LIPC: variants seen among roughly 807,000 people sequenced by gnomAD.
LIPC encodes the protein hepatic triacylglycerol lipase.
LIPC carries 44 observed loss-of-function variants against 50.7 expected under a neutral mutation model. The observed-to-expected ratio is 0.87, with a 90% CI of 0.68 to 1.11. The LOEUF is 1.11. Among genes scored for constraint, LIPC ranks in the 50% most tolerant of loss-of-function variants. The probability of loss-of-function intolerance (pLI) is 0.00; values close to 1 mark genes in which losing one functional copy is unlikely to be tolerated. For missense variants in LIPC, 697 were observed against 648.2 expected (o/e 1.08, Z -0.82); for synonymous variants, 271 against 256.4 (o/e 1.06, Z -0.54).
intron 1 of LIPC, among the ~76,000 whole-genome samples, chr15:58,516,929 T>G (rs2140868390): frequency 6.6e-6 from 1 of 152,324 alleles, no homozygotes; most frequent in East Asian, 1.9e-4. Flanking sequence ...TGGTGCTGGG[T>G]ATTCCTACAT....
Position 58,545,803 on chromosome 15 carries a change from T to G in LIPC, c.636T>G (p.Asp212Glu). ...GSAPSNRLSP[D>E]DANFVDAIHT... ...CCCCCAGCAATCGTCTTTCTCCAGATGATGCCAATTTTGTGGATGCCATTC... is the reference window on the plus strand; with the variant it reads ...CCCCCAGCAATCGTCTTTCTCCAGAGGATGCCAATTTTGTGGATGCCATTC... The change falls in exon 5 of 9, where the codon GAT (aspartate) becomes GAG (glutamate). Residue 212 changes from aspartate to glutamate, a missense_variant. By Grantham distance (45) the Asp-to-Glu change is conservative (BLOSUM62 2). Transcript: ENST00000299022. 1 of 1,614,218 alleles carries G rather than the reference T, an allele frequency of 6.2e-7. No individual in the cohort carries two copies. Among genetic ancestry groups the G allele is most frequent in the Non-Finnish European group, 8.5e-7 (1 of 1,180,046 alleles).
chr15:58,449,617 C>T (rs1204592734), intron 1 of LIPC, among the ~76,000 whole-genome samples: 3 of 151,824 alleles, frequency 2.0e-5, no homozygotes, highest in Non-Finnish European at 4.4e-5. Flanking sequence ...TAGCACGATC[C>T]TGGCTTACTG....
chr15:58,478,526 C>G (rs566127511), intron 1 of LIPC, among the ~76,000 whole-genome samples: 25 of 152,296 alleles, frequency 1.6e-4, no homozygotes, highest in African/African-American at 5.8e-4. Context: ...AAGCATGAGC[C>G]ACTGCGCCCA....
intron 1 of LIPC, among the ~76,000 whole-genome samples, chr15:58,459,073 A>G (rs1307058830): frequency 6.6e-6 from 1 of 152,214 alleles, no homozygotes; most frequent in Non-Finnish European, 1.5e-5. Context: ...TCCAAGAGGG[A>G]GAGATGGTAG....
chr15:58,529,105 G>C (rs1334088605), intron 1 of LIPC, among the ~76,000 whole-genome samples: 2 of 152,162 alleles, frequency 1.3e-5, no homozygotes, highest in African/African-American at 4.8e-5. Context: ...CAGGAATGAA[G>C]GATAAGGTCA....
At chr15:58,525,287 G>C (rs1024249106) in intron 1 of LIPC, among the ~76,000 whole-genome samples, 4 of 152,194 alleles carry the variant, frequency 2.6e-5, no homozygotes, top group Admixed American at 2.6e-4. Flanking sequence ...AGTGTTCTGG[G>C]TTTCTATTCT....
At chr15:58,567,303 ATACATATATATGTATATGTG>A (rs1385559047) in intron 8 of LIPC, among the ~76,000 whole-genome samples, 459 of 31,444 alleles carry the variant, frequency 0.015, 5 homozygotes, top group African/African-American at 0.036. Flanking sequence ...ACATATATAT[ATACATATATATGTATATGTG>A]TATATATATA....
At chr15:58,544,389 C>T (rs1394895513) in intron 4 of LIPC, among the ~76,000 whole-genome samples, 4 of 71,330 alleles carry the variant, frequency 5.6e-5, no homozygotes, top group Non-Finnish European at 1.3e-4. Flanking sequence ...TTTTCTTTTT[C>T]TCTTTCTTTT....
intron 1 of LIPC, among the ~76,000 whole-genome samples, chr15:58,470,474 T>G (rs560574790): frequency 1.3e-5 from 2 of 152,288 alleles, no homozygotes; most frequent in East Asian, 3.8e-4. Flanking sequence ...TAAATGTAAC[T>G]TAAAATTACT....
intron 1 of LIPC, among the ~76,000 whole-genome samples, chr15:58,437,566 G>C (rs1893347862): frequency 6.6e-6 from 1 of 152,074 alleles, no homozygotes; most frequent in Non-Finnish European, 1.5e-5. Flanking sequence ...GCCCTGATCA[G>C]CTACAGTTAG....
intron 1 of LIPC, among the ~76,000 whole-genome samples, chr15:58,469,042 A>C (rs1894680120): frequency 6.6e-6 from 1 of 151,980 alleles, no homozygotes; most frequent in African/African-American, 2.4e-5. Flanking sequence ...GTAAGCATTA[A>C]ACATTAGTTC....
chr15:58,528,847 G>A (rs557727119), intron 1 of LIPC, among the ~76,000 whole-genome samples: 6 of 152,190 alleles, frequency 3.9e-5, no homozygotes, highest in Non-Finnish European at 7.3e-5. Context: ...CCTGGAGGAC[G>A]GAGTGGCCCT....
intron 1 of LIPC, among the ~76,000 whole-genome samples, chr15:58,527,982 T>C (rs1374342505): frequency 1.3e-5 from 2 of 152,028 alleles, no homozygotes; most frequent in East Asian, 3.9e-4. Flanking sequence ...CCAACATGCT[T>C]TCAGCCCACA....
At chr15:58,547,326 T>A (rs1893567110) in intron 5 of LIPC, among the ~76,000 whole-genome samples, 1 of 152,180 alleles carries the variant, frequency 6.6e-6, no homozygotes, top group Non-Finnish European at 1.5e-5. Flanking sequence ...AGTGGATGTC[T>A]TGGAAGCTCA....
intron 1 of LIPC, among the ~76,000 whole-genome samples, chr15:58,486,172 C>G (rs1471511476): frequency 8.5e-5 from 13 of 152,238 alleles, no homozygotes; most frequent in Non-Finnish European, 1.6e-4. Context: ...TCTCATGTCA[C>G]TGTCCCTCTG....
intron 1 of LIPC, among the ~76,000 whole-genome samples, chr15:58,457,855 A>G (rs371912700): frequency 2.0e-5 from 3 of 152,034 alleles, no homozygotes; most frequent in East Asian, 1.9e-4. Context: ...TTTCCACTCT[A>G]TCCCGGGCCC....
chr15:58,541,108 A>C (rs1285605789), intron 2 of LIPC, among the ~76,000 whole-genome samples: 1 of 151,930 alleles, frequency 6.6e-6, no homozygotes, highest in Non-Finnish European at 1.5e-5. Flanking sequence ...GCCCCCACCC[A>C]TATTCGTCTT....
intron 8 of LIPC, chr15:58,565,462 C>A (rs2140960474): frequency 2.8e-6 from 4 of 1,412,366 alleles, no homozygotes; most frequent in African/African-American, 2.9e-5. Flanking sequence ...AGGGGCCTGG[C>A]CCTTCCAGGG....
intron 1 of LIPC, among the ~76,000 whole-genome samples, chr15:58,494,521 A>T (rs1226862147): frequency 2.6e-5 from 4 of 152,250 alleles, no homozygotes; most frequent in Non-Finnish European, 4.4e-5. Flanking sequence ...ATGAAAGTGC[A>T]TTGAACAAAG....
Sources: gnomAD v4.1 joint callset for allele counts (sites outside exome capture counted in the v4.1 genomes callset) on GRCh38, gnomAD v4.1.1 for gene constraint, MANE v1.5 for transcripts, NCBI Gene and HGNC (gene_info 2026-07-23, HGNC 2026-07-21) for gene names.